Variants in TEX11 observed in about 807,000 individuals in gnomAD.
TEX11 encodes testis-expressed protein 11.
A neutral mutation model predicts 84.4 loss-of-function variants in TEX11; 7 were observed. The ratio of observed to expected loss-of-function variants is 0.08; its 90% CI spans 0.05 to 0.16. The LOEUF is 0.16. TEX11 is among the 10% of genes least tolerant of loss of function. The pLI is 1.00. For missense variants in TEX11, 551 were observed against 660.5 expected (o/e 0.83, Z 1.82); for synonymous variants, 264 against 222.8 (o/e 1.18, Z -1.64).
chrX:70,873,455 A>G, intron 3 of TEX11, 148 bp from the exon 4 acceptor site: 1 of 434,766 alleles, frequency 2.3e-6, no homozygotes, highest in African/African-American at 2.4e-5. Flanking sequence ...TCTCCCCGCA[A>G]AAACTTACCC....
At chrX:70,611,270 C>T (rs1404335126) in intron 20 of TEX11, among the ~76,000 whole-genome samples, 1 of 111,824 alleles carries the variant, frequency 8.9e-6, no homozygotes, top group Admixed American at 9.5e-5. Context: ...CTTCTTGGAC[C>T]TATAAGAGAC....
At chrX:70,775,315 C>CA (rs1447440457) in intron 9 of TEX11, among the ~76,000 whole-genome samples, 1 of 111,204 alleles carries the variant, frequency 9.0e-6, no homozygotes, top group Admixed American at 9.6e-5. Flanking sequence ...AAAAAGACAA[C>CA]AAAAACACGA....
rs747284717 is a variant in TEX11 at position 70,584,075 on chromosome X, C to T, written c.2140+7676G>A. Among the ~76,000 whole-genome samples the T allele has an allele frequency of 4.7e-3, 505 of 107,019 alleles. 2 individuals are homozygous for T. Among genetic ancestry groups the T allele is most frequent in the Non-Finnish European group, 5.2e-3 (271 of 51,840 alleles). The allele number at this position is 107,019 out of a possible 115,157, so 92.9% of individuals were successfully genotyped here. ...CGGGTGGATCATGAGGTCAGGAGAT[C>T]GAGACCATCCTGGCTAACAAGGTGA... On this transcript the variant is annotated intron_variant, in intron 25 of 29. Transcript: ENST00000374333.
chrX:70,647,973 T>C (rs1427200872), intron 17 of TEX11, among the ~76,000 whole-genome samples: 2 of 111,950 alleles, frequency 1.8e-5, no homozygotes, highest in Non-Finnish European at 3.8e-5. Flanking sequence ...CGTATGTTTA[T>C]TGCAGCACTA....
chrX:70,562,751 G>A (rs1239239095), intron 25 of TEX11, among the ~76,000 whole-genome samples: 1 of 112,079 alleles, frequency 8.9e-6, no homozygotes, highest in Non-Finnish European at 1.9e-5. Flanking sequence ...AGAATTGTGT[G>A]TCCACTATCA....
chrX:70,870,163 A>G (rs778760047), intron 4 of TEX11, among the ~76,000 whole-genome samples: 1 of 112,111 alleles, frequency 8.9e-6, no homozygotes, highest in Non-Finnish European at 1.9e-5. Context: ...TTTTTAAATT[A>G]TTGTTTATCT....
At chrX:70,813,224 G>A (rs991044837) in intron 8 of TEX11, among the ~76,000 whole-genome samples, 1 of 111,833 alleles carries the variant, frequency 8.9e-6, no homozygotes, top group African/African-American at 3.3e-5. Flanking sequence ...ACCAAATCCA[G>A]CAGCACATCC....
Position 70,841,158 on chromosome X carries a change from C to T in TEX11, c.526-7565G>A, listed in dbSNP as rs1213529252. On this transcript the variant is annotated intron_variant, in intron 7 of 29. Coordinates refer to ENST00000374333, the MANE Select transcript of TEX11 (RefSeq NM_031276.3). Reference sequence around the variant, plus strand: ...ATAGACATCTACAGAACTCTCCACCCCAAATCAACAGAATATACATTCTTT... The same window carrying T: ...ATAGACATCTACAGAACTCTCCACCTCAAATCAACAGAATATACATTCTTT... 3.6e-5 allele frequency among the ~76,000 whole-genome samples: 4 copies of T among 110,885 alleles called. No individual in the cohort carries two copies. The East Asian group carries it at 1.1e-3, about 31-fold the overall frequency.
intron 9 of TEX11, among the ~76,000 whole-genome samples, chrX:70,789,185 A>G (rs1372489210): frequency 9.3e-6 from 1 of 107,339 alleles, no homozygotes; most frequent in Admixed American, 1.0e-4. Context: ...GTCTCAAAAA[A>G]AAAAAAGTTG....
At chrX:70,598,156 G>T (rs1387226443) in intron 24 of TEX11, among the ~76,000 whole-genome samples, 1 of 112,134 alleles carries the variant, frequency 8.9e-6, no homozygotes, top group Admixed American at 9.5e-5. Context: ...ACTCCAGCTT[G>T]GGTGACAGAA....
rs770266676 is a variant in TEX11, at chrX:70,719,223, G to A, written c.1004+3395C>T. Among the ~76,000 whole-genome samples the A allele has an allele frequency of 4.5e-5, 5 of 111,784 alleles. No individual in the cohort carries two copies. The South Asian group carries it at 1.9e-3, about 42-fold the overall frequency. On this transcript the variant is annotated intron_variant, in intron 13 of 29. Coordinates refer to ENST00000374333, the MANE Select transcript of TEX11 (RefSeq NM_031276.3). Reference sequence around the variant, plus strand: ...TATCTTTTTAGGACAGTGTTTCCTGGTGAATTATACAATTAATACACTGAA... The same window carrying A: ...TATCTTTTTAGGACAGTGTTTCCTGATGAATTATACAATTAATACACTGAA...
chrX:70,636,369 G>A (rs1176491714), intron 17 of TEX11, among the ~76,000 whole-genome samples: 1 of 110,749 alleles, frequency 9.0e-6, no homozygotes, highest in Non-Finnish European at 1.9e-5. Context: ...CAGGGTCCAG[G>A]CCTGCTGCAG....
At chrX:70,722,327 A>G (rs1477741588) in intron 13 of TEX11, among the ~76,000 whole-genome samples, 3 of 112,411 alleles carry the variant, frequency 2.7e-5, no homozygotes, top group South Asian at 3.7e-4. Context: ...GCTGGAATGC[A>G]GTGGCACTAT....
chrX:70,780,283 A>C (rs747248739), intron 9 of TEX11, among the ~76,000 whole-genome samples: 6 of 112,373 alleles, frequency 5.3e-5, no homozygotes, highest in South Asian at 3.7e-4. Context: ...CGCACACACA[A>C]AAAAAAGACA....
intron 9 of TEX11, among the ~76,000 whole-genome samples, chrX:70,748,295 A>C (rs1013447388): frequency 2.7e-5 from 3 of 111,849 alleles, no homozygotes; most frequent in African/African-American, 9.7e-5. Context: ...GATGAGCGAA[A>C]ATTATTGAAC....
chrX:70,819,472 A>G (rs2091307265), intron 8 of TEX11, among the ~76,000 whole-genome samples: 1 of 111,577 alleles, frequency 9.0e-6, no homozygotes. Context: ...GCCCACAGCT[A>G]ACATCATAAT....
chrX:70,568,900 C>T (rs1253212436), intron 25 of TEX11, among the ~76,000 whole-genome samples: 53 of 110,165 alleles, frequency 4.8e-4, no homozygotes, highest in Admixed American at 3.9e-4. Flanking sequence ...TTGCTCTTCT[C>T]GAGGAGTATC....
intron 25 of TEX11, among the ~76,000 whole-genome samples, chrX:70,561,676 G>A (rs1488273750): frequency 4.5e-5 from 5 of 110,493 alleles, no homozygotes; most frequent in Middle Eastern, 4.7e-3. Flanking sequence ...GTGAGCCACC[G>A]TGCCCAGCCC....
At chrX:70,640,103 C>T (rs1160454731) in intron 17 of TEX11, among the ~76,000 whole-genome samples, 3 of 108,656 alleles carry the variant, frequency 2.8e-5, no homozygotes, top group South Asian at 4.1e-4. Context: ...AACCAAGGCT[C>T]GAGAACTACC....
Sources: allele counts gnomAD v4.1 joint callset (sites outside exome capture counted in the v4.1 genomes callset), GRCh38; gene constraint gnomAD v4.1.1; transcripts MANE v1.5; gene names NCBI Gene and HGNC (gene_info 2026-07-23, HGNC 2026-07-21).